Variants in KCTD3 observed in about 807,000 individuals in gnomAD.
KCTD3 encodes the protein potassium channel tetramerization domain containing 3.
A neutral mutation model predicts 85.8 loss-of-function variants in KCTD3; 41 were observed. The ratio of observed to expected loss-of-function variants is 0.48; its 90% confidence interval spans 0.37 to 0.62. The LOEUF (loss-of-function observed/expected upper bound fraction) is 0.62, where lower values mean the gene tolerates loss of function less well. KCTD3 is among the 20% of genes least tolerant of loss of function. The pLI, the probability that KCTD3 is intolerant of heterozygous loss-of-function variation, is 0.00. For synonymous variants in KCTD3, 338 were observed against 345.4 expected (o/e 0.98, Z 0.24); for missense variants, 724 against 989.9 (o/e 0.73, Z 3.60).
chr1:215,572,220 T>C (rs1381055991), intron 1 of KCTD3, among the ~76,000 whole-genome samples: 1 of 152,224 alleles, frequency 6.6e-6, no homozygotes, highest in Non-Finnish European at 1.5e-5. Flanking sequence ...AGTGTGATTC[T>C]GTTTATCACA....
At chr1:215,597,816 A>G (rs1654661550) in intron 10 of KCTD3, among the ~76,000 whole-genome samples, 1 of 151,960 alleles carries the variant, frequency 6.6e-6, no homozygotes, top group Non-Finnish European at 1.5e-5. Flanking sequence ...AGGTTTACAG[A>G]CCTCTGCATA....
At chr1:215,592,232 A>G (rs1187722272) in intron 9 of KCTD3, among the ~76,000 whole-genome samples, 1 of 152,132 alleles carries the variant, frequency 6.6e-6, no homozygotes, top group Non-Finnish European at 1.5e-5. Context: ...TCACCTTTCT[A>G]TGCTGTGATA....
At position 215,620,209 on chromosome 1, in the gene KCTD3, T is replaced by G; in HGVS notation, c.2039T>G (p.Val680Gly). The change falls in exon 18 of 18, where the codon GTA becomes GGA. Residue 680 changes from valine to glycine, a missense_variant. Transcript: ENST00000259154. Reference protein sequence around the residue: ...DFQTINLNRNVERAVPENGNL... With the variant: ...DFQTINLNRNGERAVPENGNL... ...CAGACTATTAATTTGAACAGAAATG[T>G]AGAAAGAGCTGTCCCTGAAAATGGT... 6.2e-7 allele frequency: 1 copy of G among 1,613,766 alleles called. No individual in the cohort carries two copies.
chr1:215,567,886 G>T, intron 1 of KCTD3, 118 bp downstream of exon 1: 1 of 605,434 alleles, frequency 1.7e-6, no homozygotes, highest in Non-Finnish European at 2.4e-6. Flanking sequence ...AGCCTGGAGG[G>T]GAACGTGGGG....
intron 9 of KCTD3, among the ~76,000 whole-genome samples, chr1:215,589,341 C>T (rs1208731911): frequency 6.6e-6 from 1 of 152,034 alleles, no homozygotes; most frequent in Non-Finnish European, 1.5e-5. Context: ...GATAGGGTCT[C>T]ACTATGTTGC....
At chr1:215,591,710 C>G (rs543201010) in intron 9 of KCTD3, among the ~76,000 whole-genome samples, 2 of 152,294 alleles carry the variant, frequency 1.3e-5, no homozygotes, top group Admixed American at 1.3e-4. Context: ...TAGGCCTTAG[C>G]CAAGGTCTTA....
At position 215,620,194 on chromosome 1, in the gene KCTD3, A is replaced by G. The variant is rs531572498; in HGVS notation, c.2024A>G (p.Asn675Ser). Residue 675 changes from asparagine to serine, a missense_variant, in exon 18 of 18, where the codon AAT (asparagine) becomes AGT (serine). Asn to Ser is a conservative substitution (Grantham distance 46). Around this residue, in one of 6 missense-constraint regions of KCTD3, gnomAD observed 222 missense variants for 217.7 expected, o/e 1.02. Coordinates refer to ENST00000259154, the MANE Select transcript of KCTD3 (RefSeq NM_016121.5). The part of the protein sequence containing the change: ...FHSYRDFQTI[N>S]LNRNVERAVP... ...AGTTATAGGGACTTCCAGACTATTA[A>G]TTTGAACAGAAATGTAGAAAGAGCT... 1 of 1,613,912 alleles carries G rather than the reference A, an allele frequency of 6.2e-7. No individual in the cohort carries two copies. The highest frequency in any genetic ancestry group is 1.1e-5 in the South Asian group (1 of 91,078).
intron 15 of KCTD3, among the ~76,000 whole-genome samples, chr1:215,616,503 G>A (rs1326775007): frequency 6.6e-6 from 1 of 152,154 alleles, no homozygotes; most frequent in East Asian, 1.9e-4. Context: ...GCTCACACCT[G>A]TAATCCCAGC....
At chr1:215,577,878 A>G (rs770786917) in intron 5 of KCTD3, 123 bp from the exon 6 acceptor site, 27 of 1,430,646 alleles carry the variant, frequency 1.9e-5, no homozygotes, top group Middle Eastern at 1.9e-4. Flanking sequence ...GATGTTGTCA[A>G]CTCTGACTTA....
chr1:215,621,004 A>G lies in KCTD3; in HGVS notation c.*386A>G, dbSNP rs1022401143. 4.4e-5 allele frequency: 9 copies of G among 202,762 alleles called. No homozygotes were observed. The highest frequency in any genetic ancestry group is 8.9e-5 in the Non-Finnish European group (9 of 101,694). 12.6% of individuals were successfully genotyped at this position (202,762 alleles called of 1,614,324 possible). A position where few individuals can be genotyped will look rare whatever the true frequency, so the allele number is the denominator to read the frequency against. The stretch of plus-strand genomic sequence containing the variant: ...CATTATGCCTGAGACTTGTCTTACA[A>G]TGTTACCTTTAAGTGAATCACATAA... On this transcript the variant is annotated 3_prime_UTR_variant, in exon 18 of 18. Coordinates refer to ENST00000259154, the MANE Select transcript of KCTD3 (RefSeq NM_016121.5).
intron 9 of KCTD3, among the ~76,000 whole-genome samples, chr1:215,591,902 T>C (rs933680870): frequency 6.6e-6 from 1 of 152,186 alleles, no homozygotes; most frequent in Non-Finnish European, 1.5e-5. Context: ...AACTGGGAAA[T>C]TCACAAAAGA....
intron 17 of KCTD3, 122 bp from the exon 18 acceptor site, chr1:215,619,935 A>T (rs1655599215): frequency 1.6e-6 from 1 of 617,504 alleles, no homozygotes. Context: ...TTACAAAGAG[A>T]AATATGGATA....
chr1:215,575,758 T>C (rs532960260), intron 3 of KCTD3, 143 bp from the exon 4 acceptor site: 122 of 548,594 alleles, frequency 2.2e-4, no homozygotes, highest in Non-Finnish European at 3.8e-4. Context: ...ACATTCCAAT[T>C]TTAGAAACAT....
chr1:215,574,071 A>G lies in KCTD3; in HGVS notation c.138-2A>G. The G allele has an allele frequency of 1.3e-6, 2 of 1,584,950 alleles. No homozygotes were observed. Among genetic ancestry groups the G allele is most frequent in the Admixed American group, 1.7e-5 (1 of 59,738 alleles). ...TAACTTTAGATTATTAATGACTTCC[A>G]GTTTGCTGAGTGGGAGAATTTCAAC... On this transcript the variant is annotated splice_acceptor_variant, in intron 2 of 17. Transcript: ENST00000259154. LOFTEE classifies it high-confidence loss of function.
chr1:215,619,282 C>A lies in KCTD3; in HGVS notation c.1877C>A (p.Ser626Ter). 1 of 1,612,822 alleles carries A rather than the reference C, an allele frequency of 6.2e-7. No homozygotes were observed. The highest frequency in any genetic ancestry group is 1.1e-5 in the South Asian group (1 of 90,804). Residue 626 changes from serine (S) to a stop codon, truncating the protein, a stop_gained, in exon 17 of 18, where the codon TCA (serine) becomes TAA (stop). Transcript: ENST00000259154. LOFTEE classifies it low-confidence loss of function (END_TRUNC). ...SVVQHSHLRESNSSLQLQHHD... is the reference protein window; with the variant it reads ...SVVQHSHLRE ...GTTCAGCATAGCCACTTACGAGAATCAAATTCTAGGTAGGTTAAAGAGTTG... is the reference window on the plus strand; with the variant it reads ...GTTCAGCATAGCCACTTACGAGAATAAAATTCTAGGTAGGTTAAAGAGTTG...
intron 15 of KCTD3, among the ~76,000 whole-genome samples, chr1:215,613,901 C>T (rs1655327279): frequency 6.6e-6 from 1 of 151,540 alleles, no homozygotes; most frequent in Non-Finnish European, 1.5e-5. Context: ...GTTATTGTAG[C>T]CTTGTAGAAT....
intron 15 of KCTD3, among the ~76,000 whole-genome samples, chr1:215,612,127 G>A (rs1189447443): frequency 6.6e-6 from 1 of 152,046 alleles, no homozygotes; most frequent in Non-Finnish European, 1.5e-5. Flanking sequence ...CTGATGCTGT[G>A]GACAGTTAGG....
Position 215,589,015 on chromosome 1 carries a change from T to C in KCTD3, c.817+2330T>C, listed in dbSNP as rs73085432. Among the ~76,000 whole-genome samples, 418 of 152,354 alleles carry C rather than the reference T, an allele frequency of 2.7e-3. 3 individuals are homozygous for C. The highest frequency in any genetic ancestry group is 9.8e-3 in the African/African-American group (407 of 41,590). On this transcript the variant is annotated intron_variant, in intron 9 of 17. Transcript: ENST00000259154. Reference sequence around the variant, plus strand: ...TCTCTAGCCACTGTGATGTCGTAACTTACCTTTGAGATACTTCATTAGATT... The same window carrying C: ...TCTCTAGCCACTGTGATGTCGTAACCTACCTTTGAGATACTTCATTAGATT...
chr1:215,595,217 T>C (rs867610506), intron 9 of KCTD3, 139 bp from the exon 10 acceptor site: 3 of 594,854 alleles, frequency 5.0e-6, no homozygotes, highest in African/African-American at 3.7e-5. Flanking sequence ...TTCTTATTTC[T>C]AGTCCCCAAC....
Sources: allele counts gnomAD v4.1 joint callset (sites outside exome capture counted in the v4.1 genomes callset), GRCh38; gene constraint gnomAD v4.1.1; regional missense constraint gnomAD v4.1.1; transcripts MANE v1.5; gene names NCBI Gene and HGNC (gene_info 2026-07-23, HGNC 2026-07-21).